CELF2: variants seen among roughly 807,000 people sequenced by gnomAD.
CELF2 encodes the protein CUG triplet repeat RNA-binding protein 2.
In CELF2, 8 loss-of-function variants were observed where a neutral mutation model predicts 62.6. The ratio of observed to expected loss-of-function variants is 0.13; its 90% CI spans 0.07 to 0.23. The LOEUF is 0.23. CELF2 is among the 10% of genes least tolerant of loss of function. CELF2 has a pLI of 1.00. For synonymous variants in CELF2, 258 were observed against 250.0 expected (o/e 1.03, Z -0.30); for missense variants, 333 against 671.0 (o/e 0.50, Z 5.56).
At position 11,159,971 on chromosome 10, in the gene CELF2, G is replaced by A. The variant is rs909674043; in HGVS notation, c.75-5515G>A. Among the ~76,000 whole-genome samples, 10 of 152,110 alleles carry A rather than the reference G, an allele frequency of 6.6e-5. No homozygotes were observed. Among genetic ancestry groups the A allele is most frequent in the East Asian group, 3.9e-4 (2 of 5,186 alleles). On this transcript the variant is annotated intron_variant, in intron 1 of 12. Transcript: ENST00000633077. This position sits in a 1 kb window ranked among gnomAD's most constrained non-coding sequence, Gnocchi z 5.0. ...GGCTCTCGCAGCACCCCAATTAACC[G>A]GCCACTCAGCGGCCTGTCGGAGCCT...
At chr10:11,232,722 T>A (rs57254576) in intron 3 of CELF2, among the ~76,000 whole-genome samples, 17,380 of 152,102 alleles carry the variant, frequency 0.11, 1,415 homozygotes, top group East Asian at 0.23. Context: ...TTCAGAGGAG[T>A]TAGCCCACAT....
At chr10:10,788,185 A>G in the CELF2 span, among the ~76,000 whole-genome samples, 4 of 152,210 alleles carry the variant, frequency 2.6e-5, no homozygotes, top group East Asian at 7.7e-4. Flanking sequence ...ACAAATAACA[A>G]CAGTCTATAA....
chr10:11,072,461 A>G (rs890910309), intron 1 of CELF2, among the ~76,000 whole-genome samples: 8 of 152,326 alleles, frequency 5.3e-5, no homozygotes, highest in African/African-American at 1.9e-4. Context: ...TGGAACCTCT[A>G]CAGTCAGTGC....
rs552366689 is a variant in CELF2 at position 11,235,415 on chromosome 10, A to G, written c.355-13738A>G. Among the ~76,000 whole-genome samples, 8 of 152,292 alleles carry G rather than the reference A, an allele frequency of 5.3e-5. No homozygotes were observed. The East Asian group carries it at 1.5e-3, about 29-fold the overall frequency. On this transcript the variant is annotated intron_variant, in intron 3 of 12. Transcript: ENST00000633077. ...GTATATCTGAAGGCCTAATCCTTGA[A>G]TTTTCTCTTTAAAAGATTGAACTTG... is the stretch of plus-strand genomic sequence containing the variant.
the CELF2 span, among the ~76,000 whole-genome samples, chr10:10,620,443 T>C: frequency 3.0e-5 from 3 of 101,394 alleles, no homozygotes; most frequent in East Asian, 2.8e-4. Flanking sequence ...AGAGCAAGGC[T>C]CAGTCTCAAA....
At chr10:10,598,561 G>A in the CELF2 span, among the ~76,000 whole-genome samples, 1 of 152,112 alleles carries the variant, frequency 6.6e-6, no homozygotes, top group African/African-American at 2.4e-5. Flanking sequence ...CGGTTACAGA[G>A]ACACAATACA....
At chr10:11,148,777 A>G (rs2062740835) in intron 1 of CELF2, among the ~76,000 whole-genome samples, 2 of 152,082 alleles carry the variant, frequency 1.3e-5, no homozygotes, top group African/African-American at 4.8e-5. Context: ...GCGGGGGAAG[A>G]GCAATATCTG....
chr10:11,100,701 G>A (rs2051339540), intron 1 of CELF2, among the ~76,000 whole-genome samples: 3 of 152,110 alleles, frequency 2.0e-5, no homozygotes, highest in South Asian at 4.1e-4. Flanking sequence ...TCCACAAAGA[G>A]TTCCCGTAGC....
intron 1 of CELF2, among the ~76,000 whole-genome samples, chr10:11,125,363 T>C (rs553994351): frequency 4.6e-5 from 7 of 152,166 alleles, no homozygotes; most frequent in Admixed American, 1.3e-4. Flanking sequence ...TCCTTTGTTA[T>C]TTGTAATGTG....
the CELF2 span, among the ~76,000 whole-genome samples, chr10:10,703,303 C>T: frequency 6.6e-6 from 1 of 152,190 alleles, no homozygotes; most frequent in Non-Finnish European, 1.5e-5. Flanking sequence ...TAAATGCATT[C>T]AGAACATGAC....
intron 3 of CELF2, among the ~76,000 whole-genome samples, chr10:11,232,631 GTGCCTTGATGATGT>G (rs1204781143): frequency 6.6e-5 from 10 of 152,160 alleles, no homozygotes; most frequent in Admixed American, 3.9e-4. Context: ...CTCCTGAGAT[GTGCCTTGATGATGT>G]TGCCTTGATG....
chr10:11,231,995 C>CT lies in CELF2; in HGVS notation c.354+14497dup, dbSNP rs557481588. On this transcript the variant is annotated intron_variant, in intron 3 of 12. Coordinates refer to ENST00000633077, the MANE Select transcript of CELF2 (RefSeq NM_001326342.2). ...TTAGTGTTAAGTACCACCGCCCCATCTTTTTTTTTATTATACTTTAAGTTT... is the reference window on the plus strand; with the variant it reads ...TTAGTGTTAAGTACCACCGCCCCATCTTTTTTTTTTATTATACTTTAAGTTT... 5.7e-4 allele frequency among the ~76,000 whole-genome samples: 87 copies of CT among 151,760 alleles called. No individual in the cohort carries two copies. In the South Asian group the frequency reaches 5.8e-3, roughly 10 times the overall value.
chr10:10,790,479 C>T, the CELF2 span, among the ~76,000 whole-genome samples: 1 of 152,070 alleles, frequency 6.6e-6, no homozygotes. Context: ...TTTATAAATT[C>T]TGATAGAGTA....
At chr10:10,698,142 C>T in the CELF2 span, among the ~76,000 whole-genome samples, 23 of 152,164 alleles carry the variant, frequency 1.5e-4, no homozygotes, top group African/African-American at 5.6e-4. Flanking sequence ...CAAGCCATAG[C>T]TAAATAGCAG....
intron 1 of CELF2, among the ~76,000 whole-genome samples, chr10:11,089,395 A>T (rs991852938): frequency 6.6e-6 from 1 of 152,208 alleles, no homozygotes; most frequent in Non-Finnish European, 1.5e-5. Context: ...GCCTAGAGAC[A>T]TTGAAGACTT....
the CELF2 span, among the ~76,000 whole-genome samples, chr10:10,469,589 A>C: frequency 2.0e-5 from 3 of 151,614 alleles, no homozygotes; most frequent in Non-Finnish European, 4.4e-5. Context: ...TTTTCATGAA[A>C]GATACCAGTT....
At chr10:10,815,923 C>G (rs2056422132) in intron 1 of CELF2, among the ~76,000 whole-genome samples, 1 of 148,060 alleles carries the variant, frequency 6.8e-6, no homozygotes, top group Non-Finnish European at 1.5e-5. Flanking sequence ...TTTTTTTGCC[C>G]CATAAATTGG....
At chr10:10,770,979 C>T in the CELF2 span, among the ~76,000 whole-genome samples, 1 of 152,196 alleles carries the variant, frequency 6.6e-6, no homozygotes, top group Admixed American at 6.5e-5. Context: ...CTGGAATGAG[C>T]ACTGGGCGTT....
rs959184388 is a variant in CELF2 at position 11,242,528 on chromosome 10, G to A, written c.355-6625G>A. ...TATAGCTGCTGGGTGCAGCTGCTCC[G>A]TGGCCAGCTTCACGGCGGCACCAGG... On this transcript the variant is annotated intron_variant, in intron 3 of 12. Coordinates refer to ENST00000633077, the MANE Select transcript of CELF2 (RefSeq NM_001326342.2). This position sits in a 1 kb window ranked among gnomAD's most constrained non-coding sequence, Gnocchi z 4.8. Among the ~76,000 whole-genome samples the A allele has an allele frequency of 3.9e-5, 6 of 152,214 alleles. No individual in the cohort carries two copies. The East Asian group carries it at 7.7e-4, about 20-fold the overall frequency.
Sources: gnomAD v4.1 joint callset for allele counts (sites outside exome capture counted in the v4.1 genomes callset) on GRCh38, gnomAD v4.1.1 for gene constraint, Gnocchi (gnomAD v3.1) non-coding constraint, MANE v1.5 for transcripts, NCBI Gene and HGNC (gene_info 2026-07-23, HGNC 2026-07-21) for gene names.